Variants in P3H2 observed in about 807,000 individuals in gnomAD.
P3H2 encodes the protein leprecan-like 1.
In P3H2, 80 loss-of-function variants were observed where a neutral mutation model predicts 87.0. The ratio of observed to expected loss-of-function variants is 0.92; its 90% CI spans 0.77 to 1.11. The LOEUF (loss-of-function observed/expected upper bound fraction) is 1.11. Ranked by LOEUF, P3H2 falls within the 50% of genes least tolerant of loss-of-function variation. The pLI, the probability that P3H2 is intolerant of heterozygous loss-of-function variation, is 0.00. For synonymous variants in P3H2, 367 were observed against 359.3 expected (o/e 1.02, Z -0.24); for missense variants, 1,001 against 923.9 (o/e 1.08, Z -1.08).
chr3:190,087,351 A>T (rs1271400979), intron 1 of P3H2, among the ~76,000 whole-genome samples: 1 of 151,972 alleles, frequency 6.6e-6, no homozygotes, highest in Admixed American at 6.6e-5. Flanking sequence ...CCTGGCTAAC[A>T]GAGTGAAACC....
chr3:190,120,764 C>G lies in P3H2; in HGVS notation c.-33G>C, dbSNP rs1480489833. 2.6e-6 allele frequency: 4 copies of G among 1,512,886 alleles called. No individual in the cohort carries two copies. In the African/African-American group the frequency reaches 4.3e-5, roughly 16 times the overall value. The allele number at this position is 1,512,886 out of a possible 1,614,324, so 93.7% of individuals were successfully genotyped here. On this transcript the variant is annotated 5_prime_UTR_variant, in exon 1 of 15. Transcript: ENST00000319332. ...CTCAGAGAGGCGCGGGACGGTTACGCTCGAGAGGGCTTCGGGGCACCTCGC... is the reference window on the plus strand; with the variant it reads ...CTCAGAGAGGCGCGGGACGGTTACGGTCGAGAGGGCTTCGGGGCACCTCGC...
upstream of P3H2, chr3:190,122,105 G>GA (rs1212792084): frequency 1.1e-4 from 16 of 142,160 alleles, no homozygotes; most frequent in Non-Finnish European, 2.1e-4. Flanking sequence ...CAAAGAAAAA[G>GA]AAAAGAGAGG....
intron 14 of P3H2, among the ~76,000 whole-genome samples, chr3:189,959,585 C>T (rs1475878015): frequency 6.6e-6 from 1 of 151,970 alleles, no homozygotes; most frequent in Non-Finnish European, 1.5e-5. Context: ...TATATTCCAA[C>T]TTCTTAACTT....
rs1180819676 is a variant in P3H2 at position 190,120,471 on chromosome 3, G to C, written c.261C>G (p.His87Gln). The C allele has an allele frequency of 4.9e-6, 7 of 1,431,298 alleles. No homozygotes were observed. The South Asian group carries it at 8.9e-5, about 18-fold the overall frequency. 88.7% of individuals were successfully genotyped at this position (1,431,298 alleles called of 1,614,324 possible). ...GCGGGAGCGGGTGGCGCGCCGCGCA[G>C]TGGCGGGCACAGCGCGTGCGGATTT... Reference protein sequence around the residue: ...LREIRTRCARHCAARHPLPPP... With the variant: ...LREIRTRCARQCAARHPLPPP... The change falls in exon 1 of 15, where the codon CAC becomes CAG. Residue 87 changes from histidine to glutamine, a missense_variant. By Grantham distance (24) the His-to-Gln change is conservative. Transcript: ENST00000319332.
At chr3:190,050,233 A>G (rs1187112855) in intron 1 of P3H2, among the ~76,000 whole-genome samples, 2 of 152,156 alleles carry the variant, frequency 1.3e-5, no homozygotes, top group Non-Finnish European at 2.9e-5. Context: ...TCTCTCTATA[A>G]CTTCCACTAT....
In P3H2 at chr3:190,020,602, G is replaced by A. The variant is rs923319953; in HGVS notation, c.481-25160C>T. Among the ~76,000 whole-genome samples, 14 of 133,490 alleles carry A rather than the reference G, an allele frequency of 1.0e-4. 2 individuals are homozygous for A. Among genetic ancestry groups the A allele is most frequent in the African/African-American group, 3.6e-4 (14 of 38,620 alleles). The allele number at this position is 133,490 out of a possible 152,430, so 87.6% of individuals were successfully genotyped here. ...GTCAGAGCTTTCCCCTTTCATGAAA[G>A]TCTCCTATGTCTCATCAGTGCCAGA... On this transcript the variant is annotated intron_variant, in intron 1 of 14. Coordinates refer to ENST00000319332, the MANE Select transcript of P3H2 (RefSeq NM_018192.4).
chr3:190,060,399 G>A (rs1036155324), intron 1 of P3H2, among the ~76,000 whole-genome samples: 2 of 152,098 alleles, frequency 1.3e-5, no homozygotes, highest in South Asian at 2.1e-4. Flanking sequence ...CACAAAATCC[G>A]TTCAAGTTCA....
intron 8 of P3H2, 24 bp from the exon 9 acceptor site, chr3:189,974,709 T>C: frequency 6.2e-7 from 1 of 1,614,122 alleles, no homozygotes; most frequent in Non-Finnish European, 8.5e-7. Flanking sequence ...GCACATTGTC[T>C]TCCCTGTTAC....
At chr3:190,012,100 G>A (rs1724607675) in intron 1 of P3H2, among the ~76,000 whole-genome samples, 1 of 152,070 alleles carries the variant, frequency 6.6e-6, no homozygotes, top group South Asian at 2.1e-4. Context: ...GCATGAAAGG[G>A]CTTCATCTTG....
Position 190,120,640 on chromosome 3 carries a change from C to T in P3H2, c.92G>A (p.Arg31His), listed in dbSNP as rs1712534183. Reference sequence around the variant, plus strand: ...CCCGGGCTCCAGCTCCAGCTCCCGGCGTGGGCTGTCCGGGGGGCCGCCCCA... The same window carrying T: ...CCCGGGCTCCAGCTCCAGCTCCCGGTGTGGGCTGTCCGGGGGGCCGCCCCA... ...PLWGGPPDSP[R>H]RELELEPGPL... Residue 31 changes from arginine to histidine, a missense_variant, in exon 1 of 15, where the codon CGC becomes CAC. Physicochemically the swap from Arg to His is conservative, Grantham distance 29. Coordinates refer to ENST00000319332, the MANE Select transcript of P3H2 (RefSeq NM_018192.4). 1.3e-6 allele frequency: 2 copies of T among 1,529,196 alleles called. No individual in the cohort carries two copies. The highest frequency in any genetic ancestry group is 2.8e-5 in the African/African-American group (2 of 71,140). The allele number at this position is 1,529,196 out of a possible 1,614,324, so 94.7% of individuals were successfully genotyped here.
At chr3:190,013,598 A>C (rs1391698129) in intron 1 of P3H2, among the ~76,000 whole-genome samples, 1 of 152,226 alleles carries the variant, frequency 6.6e-6, no homozygotes, top group African/African-American at 2.4e-5. Flanking sequence ...AAAAATAGAC[A>C]AATAAAAATC....
intron 1 of P3H2, among the ~76,000 whole-genome samples, chr3:190,024,478 G>A (rs1288336977): frequency 7.0e-6 from 1 of 142,378 alleles, no homozygotes; most frequent in African/African-American, 2.6e-5. Flanking sequence ...GGGAGGCAGA[G>A]GTTGCAGTGA....
chr3:190,065,991 A>G (rs1726486349), intron 1 of P3H2, among the ~76,000 whole-genome samples: 1 of 151,860 alleles, frequency 6.6e-6, no homozygotes, highest in Admixed American at 6.6e-5. Flanking sequence ...GTGCTATATA[A>G]TTTCCATGTA....
At chr3:189,967,517 G>A (rs1392424760) in intron 13 of P3H2, among the ~76,000 whole-genome samples, 1 of 149,502 alleles carries the variant, frequency 6.7e-6, no homozygotes, top group Non-Finnish European at 1.5e-5. Context: ...TTGAAACTGC[G>A]AAATGCCAGT....
intron 4 of P3H2, chr3:189,987,889 T>C (rs1179794647): frequency 1.8e-6 from 1 of 567,190 alleles, no homozygotes; most frequent in Non-Finnish European, 3.1e-6. Flanking sequence ...TTGGTACTAG[T>C]TGTTTTGTGC....
intron 1 of P3H2, among the ~76,000 whole-genome samples, chr3:190,078,824 G>T (rs1267157664): frequency 6.6e-6 from 1 of 152,082 alleles, no homozygotes; most frequent in Non-Finnish European, 1.5e-5. Flanking sequence ...GTTCTTCCAG[G>T]GAAGTAGCAA....
chr3:190,067,539 T>C (rs961917592), intron 1 of P3H2, among the ~76,000 whole-genome samples: 8 of 152,178 alleles, frequency 5.3e-5, no homozygotes, highest in Non-Finnish European at 8.8e-5. Flanking sequence ...TCAATTTCTC[T>C]AGAGTTTTGC....
intron 1 of P3H2, among the ~76,000 whole-genome samples, chr3:190,067,937 G>A (rs983150839): frequency 3.3e-5 from 5 of 151,942 alleles, no homozygotes; most frequent in Non-Finnish European, 5.9e-5. Context: ...AATGTACATA[G>A]TTATAACAAT....
At chr3:190,008,537 G>A (rs1724466512) in intron 1 of P3H2, among the ~76,000 whole-genome samples, 1 of 152,116 alleles carries the variant, frequency 6.6e-6, no homozygotes, top group Non-Finnish European at 1.5e-5. Context: ...AAAAAACTGA[G>A]GGTTTCTGAT....
Sources: allele counts gnomAD v4.1 joint callset (sites outside exome capture counted in the v4.1 genomes callset), GRCh38; gene constraint gnomAD v4.1.1; transcripts MANE v1.5; gene names NCBI Gene and HGNC (gene_info 2026-07-23, HGNC 2026-07-21).